ANKS1B: variants seen among roughly 807,000 people sequenced by gnomAD.
ANKS1B encodes ankyrin repeat and sterile alpha motif domain-containing protein 1B.
A neutral mutation model predicts 148.3 loss-of-function variants in ANKS1B; 36 were observed. The ratio of observed to expected loss-of-function variants is 0.24; its 90% confidence interval spans 0.19 to 0.32. The LOEUF is 0.32. Among genes scored for constraint, ANKS1B ranks in the 10% least tolerant of loss-of-function variants. The probability of loss-of-function intolerance (pLI) is 1.00; values close to 1 mark genes in which losing one functional copy is unlikely to be tolerated. For synonymous variants in ANKS1B, 542 were observed against 560.8 expected (o/e 0.97, Z 0.47); for missense variants, 1,157 against 1,542.6 (o/e 0.75, Z 4.19).
intron 10 of ANKS1B, among the ~76,000 whole-genome samples, chr12:99,492,536 C>T (rs755196883): frequency 2.0e-5 from 3 of 152,170 alleles, no homozygotes; most frequent in Non-Finnish European, 2.9e-5. Context: ...GGACTCCTTG[C>T]GACCTCATCC....
At chr12:99,499,432 T>C (rs1422183801) in intron 10 of ANKS1B, among the ~76,000 whole-genome samples, 2 of 152,134 alleles carry the variant, frequency 1.3e-5, no homozygotes, top group South Asian at 2.1e-4. Flanking sequence ...AACTCAGGCA[T>C]TGTAGGAGTT....
chr12:99,359,289 T>G (rs1566954186), intron 12 of ANKS1B, among the ~76,000 whole-genome samples: 1 of 152,122 alleles, frequency 6.6e-6, no homozygotes, highest in Non-Finnish European at 1.5e-5. Flanking sequence ...ATGTACATGT[T>G]AGCTCCCATT....
intron 13 of ANKS1B, among the ~76,000 whole-genome samples, chr12:99,245,436 C>A (rs185223749): frequency 1.4e-4 from 22 of 152,204 alleles, no homozygotes; most frequent in African/African-American, 4.1e-4. Flanking sequence ...ATGTTAGCAA[C>A]CTGAATAAGA....
chr12:99,765,940 A>T (rs1346073771), intron 8 of ANKS1B, among the ~76,000 whole-genome samples: 4 of 152,184 alleles, frequency 2.6e-5, no homozygotes, highest in African/African-American at 9.6e-5. Flanking sequence ...TAAATTGCAG[A>T]ACAGAGTTGT....
At chr12:99,569,000 A>G (rs1306497570) in intron 9 of ANKS1B, among the ~76,000 whole-genome samples, 1 of 152,224 alleles carries the variant, frequency 6.6e-6, no homozygotes, top group Non-Finnish European at 1.5e-5. Flanking sequence ...AAGAGAAATC[A>G]TCACAGACAC....
At chr12:99,030,763 G>C (rs2099951617) in intron 17 of ANKS1B, among the ~76,000 whole-genome samples, 1 of 152,172 alleles carries the variant, frequency 6.6e-6, no homozygotes, top group Non-Finnish European at 1.5e-5. Context: ...ATCTAGCATA[G>C]TGCTTGGCAT....
In ANKS1B at chr12:98,744,181, C is replaced by T. The variant is rs902633194; in HGVS notation, c.*1558G>A. ...AACTCTCATTTTGCTACATACATATCAACAGTGAATAGGCAAAATATATAC... is the reference window on the plus strand; with the variant it reads ...AACTCTCATTTTGCTACATACATATTAACAGTGAATAGGCAAAATATATAC... On this transcript the variant is annotated 3_prime_UTR_variant, in exon 27 of 27. Transcript: ENST00000683438. 14 of 984,250 alleles carry T rather than the reference C, an allele frequency of 1.4e-5. No individual in the cohort carries two copies. The highest frequency in any genetic ancestry group is 1.7e-5 in the African/African-American group (1 of 57,162). 61.0% of individuals were successfully genotyped at this position (984,250 alleles called of 1,614,324 possible). A position where few individuals can be genotyped will look rare whatever the true frequency, so the allele number is the denominator to read the frequency against.
chr12:99,806,618 G>A lies in ANKS1B; in HGVS notation c.455C>T (p.Thr152Ile). The A allele has an allele frequency of 6.2e-7, 1 of 1,613,980 alleles. No individual in the cohort carries two copies. Among genetic ancestry groups the A allele is most frequent in the Non-Finnish European group, 8.5e-7 (1 of 1,179,878 alleles). Residue 152 changes from threonine (T) to isoleucine (I), a missense_variant, in exon 4 of 27, where the codon ACT becomes ATT. Coordinates refer to ENST00000683438, the MANE Select transcript of ANKS1B (RefSeq NM_001352186.2). ...CTTGCTATTTCTAATTGTCGGGTCAGTGAGCTCTTCTAGGAGAACAGCAAC... is the reference window on the plus strand; with the variant it reads ...CTTGCTATTTCTAATTGTCGGGTCAATGAGCTCTTCTAGGAGAACAGCAAC... ...EVVAVLLEEL[T>I]DPTIRNSKLE...
At chr12:99,097,818 G>A (rs964712473) in intron 15 of ANKS1B, among the ~76,000 whole-genome samples, 1 of 152,176 alleles carries the variant, frequency 6.6e-6, no homozygotes. Flanking sequence ...TAGACCAGAT[G>A]TTCCCTTTTA....
chr12:99,346,019 A>T (rs2090621262), intron 12 of ANKS1B, among the ~76,000 whole-genome samples: 2 of 151,966 alleles, frequency 1.3e-5, no homozygotes, highest in African/African-American at 2.4e-5. Flanking sequence ...TTTTAGGAGC[A>T]CTCTGCCTTA....
At chr12:98,842,935 A>G (rs925755343) in intron 17 of ANKS1B, among the ~76,000 whole-genome samples, 6 of 152,232 alleles carry the variant, frequency 3.9e-5, no homozygotes, top group African/African-American at 1.4e-4. Context: ...CCTCCAAGTC[A>G]TAACACTTCA....
At chr12:99,605,071 C>G (rs1403496453) in intron 9 of ANKS1B, among the ~76,000 whole-genome samples, 1 of 151,902 alleles carries the variant, frequency 6.6e-6, no homozygotes, top group African/African-American at 2.4e-5. Context: ...GTCATTTTAA[C>G]AGGGAAGACC....
intron 11 of ANKS1B, among the ~76,000 whole-genome samples, chr12:99,426,141 A>C (rs967545364): frequency 6.6e-6 from 1 of 152,102 alleles, no homozygotes; most frequent in African/African-American, 2.4e-5. Context: ...TGTCTCTCAG[A>C]GTTGTTATTA....
chr12:99,822,414 G>T (rs1358086297), intron 2 of ANKS1B, among the ~76,000 whole-genome samples: 1 of 152,088 alleles, frequency 6.6e-6, no homozygotes, highest in African/African-American at 2.4e-5. Context: ...CCTTGATACT[G>T]AGGATAGTAC....
intron 19 of ANKS1B, among the ~76,000 whole-genome samples, chr12:98,811,035 C>T (rs1220708891): frequency 2.7e-5 from 4 of 148,766 alleles, no homozygotes; most frequent in Admixed American, 6.8e-5. Context: ...AGGAAAAGGA[C>T]GAGGTCCCTT....
At chr12:98,874,070 A>T (rs2099680579) in intron 17 of ANKS1B, among the ~76,000 whole-genome samples, 1 of 152,172 alleles carries the variant, frequency 6.6e-6, no homozygotes, top group Non-Finnish European at 1.5e-5. Flanking sequence ...CACTTTGACT[A>T]CTGTCCTCTA....
chr12:99,638,122 A>T (rs1317632140), intron 9 of ANKS1B, among the ~76,000 whole-genome samples: 1 of 152,122 alleles, frequency 6.6e-6, no homozygotes, highest in African/African-American at 2.4e-5. Flanking sequence ...TTCTGCCACG[A>T]ACTAATATAG....
chr12:99,185,615 G>A (rs965116024), intron 14 of ANKS1B, among the ~76,000 whole-genome samples: 1 of 152,198 alleles, frequency 6.6e-6, no homozygotes, highest in African/African-American at 2.4e-5. Flanking sequence ...AGTGTGAGGT[G>A]TCACCTCACC....
chr12:99,234,633 G>A (rs2087534499), intron 14 of ANKS1B, among the ~76,000 whole-genome samples: 1 of 152,096 alleles, frequency 6.6e-6, no homozygotes, highest in African/African-American at 2.4e-5. Context: ...TTATGTATAT[G>A]CCATCGTGCA....
Sources: allele counts gnomAD v4.1 joint callset (sites outside exome capture counted in the v4.1 genomes callset), GRCh38; gene constraint gnomAD v4.1.1; transcripts MANE v1.5; gene names NCBI Gene and HGNC (gene_info 2026-07-23, HGNC 2026-07-21).